MEF2A: variants seen among roughly 807,000 people sequenced by gnomAD.
MEF2A encodes myocyte enhancer factor 2A.
A neutral mutation model predicts 55.8 loss-of-function variants in MEF2A; 28 were observed. That is an observed-to-expected ratio of 0.50 (90% CI 0.37 to 0.69). The LOEUF (loss-of-function observed/expected upper bound fraction) is 0.69. MEF2A is among the 30% of genes least tolerant of loss of function. The pLI, the probability that MEF2A is intolerant of heterozygous loss-of-function variation, is 0.00. For synonymous variants in MEF2A, 239 were observed against 227.1 expected, an observed-to-expected ratio of 1.05 and a Z score of -0.47; for missense variants, 528 against 626.2, an observed-to-expected ratio of 0.84 and a Z score of 1.67.
chr15:99,568,819 A>G (rs1399607445), intron 1 of MEF2A, among the ~76,000 whole-genome samples: 1 of 152,204 alleles, frequency 6.6e-6, no homozygotes, highest in Non-Finnish European at 1.5e-5. Flanking sequence ...TCATCAGACC[A>G]TACCCCGGTT....
At chr15:99,615,675 C>T (rs2040066895) in intron 2 of MEF2A, among the ~76,000 whole-genome samples, 1 of 152,164 alleles carries the variant, frequency 6.6e-6, no homozygotes, top group African/African-American at 2.4e-5. Flanking sequence ...AGACCCTGTC[C>T]TGTTAACCAT....
intron 4 of MEF2A, among the ~76,000 whole-genome samples, chr15:99,670,175 T>C (rs571064877): frequency 6.6e-6 from 1 of 152,312 alleles, no homozygotes; most frequent in South Asian, 2.1e-4. Flanking sequence ...TTTTAATTTA[T>C]CCTTTTAAGT....
intron 1 of MEF2A, among the ~76,000 whole-genome samples, chr15:99,594,931 C>G (rs1052003308): frequency 1.3e-5 from 2 of 152,208 alleles, no homozygotes; most frequent in Non-Finnish European, 2.9e-5. Flanking sequence ...CAACGTATAT[C>G]TGAACCTGCT....
chr15:99,691,854 ATTCC>A (rs2055536451), intron 8 of MEF2A, among the ~76,000 whole-genome samples: 1 of 152,190 alleles, frequency 6.6e-6, no homozygotes, highest in African/African-American at 2.4e-5. Context: ...GGTAGCCTCT[ATTCC>A]ACTCCTTGAT....
chr15:99,647,395 T>G (rs2046136374), intron 4 of MEF2A, among the ~76,000 whole-genome samples: 1 of 151,908 alleles, frequency 6.6e-6, no homozygotes, highest in African/African-American at 2.4e-5. Context: ...CAAATAAGTA[T>G]TCTAGCTAAT....
At chr15:99,622,475 A>C (rs893345473) in intron 2 of MEF2A, among the ~76,000 whole-genome samples, 6 of 152,174 alleles carry the variant, frequency 3.9e-5, no homozygotes, top group Non-Finnish European at 8.8e-5. Context: ...TGAATTAATA[A>C]AATCTGACTC....
At chr15:99,589,623 C>G (rs571345959) in intron 1 of MEF2A, among the ~76,000 whole-genome samples, 128 of 152,146 alleles carry the variant, frequency 8.4e-4, no homozygotes, top group Non-Finnish European at 1.6e-3. Flanking sequence ...CTAAAATACG[C>G]ACTTAAAAGC....
intron 1 of MEF2A, among the ~76,000 whole-genome samples, chr15:99,581,543 C>T (rs1423339382): frequency 6.6e-6 from 1 of 151,888 alleles, no homozygotes; most frequent in African/African-American, 2.4e-5. Flanking sequence ...TTTCTTTCAA[C>T]TGGTGAATAT....
chr15:99,605,670 T>TAA (rs747968570), intron 2 of MEF2A, among the ~76,000 whole-genome samples: 7 of 138,614 alleles, frequency 5.0e-5, no homozygotes, highest in Admixed American at 7.2e-5. Context: ...ATTTTAGATT[T>TAA]AAAAAAAAAA....
intron 1 of MEF2A, among the ~76,000 whole-genome samples, chr15:99,586,915 T>G (rs992628781): frequency 6.6e-6 from 1 of 152,228 alleles, no homozygotes; most frequent in African/African-American, 2.4e-5. Flanking sequence ...TACCTTGACA[T>G]CTTTGTTGAA....
chr15:99,619,090 C>G (rs1283996578), intron 2 of MEF2A, among the ~76,000 whole-genome samples: 2 of 152,158 alleles, frequency 1.3e-5, no homozygotes, highest in Non-Finnish European at 2.9e-5. Flanking sequence ...AGGGAAAGAA[C>G]CAGGCTGTGA....
At chr15:99,574,244 A>G (rs1963525642) in intron 1 of MEF2A, among the ~76,000 whole-genome samples, 1 of 152,206 alleles carries the variant, frequency 6.6e-6, no homozygotes, top group Non-Finnish European at 1.5e-5. Context: ...TTTTATTTAC[A>G]GATTGAAACT....
At chr15:99,633,382 A>T (rs977392763) in intron 3 of MEF2A, among the ~76,000 whole-genome samples, 5 of 152,078 alleles carry the variant, frequency 3.3e-5, no homozygotes, top group Admixed American at 1.3e-4. Context: ...ATGTCACCAA[A>T]AATATAGATA....
At chr15:99,702,001 CAA>C (rs1300916310) in intron 8 of MEF2A, among the ~76,000 whole-genome samples, 4 of 152,186 alleles carry the variant, frequency 2.6e-5, no homozygotes, top group Non-Finnish European at 5.9e-5. Context: ...ATGGAAAACT[CAA>C]AATGTGTCGT....
At chr15:99,687,084 C>CT (rs71149484) in intron 7 of MEF2A, among the ~76,000 whole-genome samples, 25,782 of 67,980 alleles carry the variant, frequency 0.38, 6,175 homozygotes, top group Non-Finnish European at 0.44. Context: ...ATTAATTTTT[C>CT]TTTTTTTTTT....
chr15:99,693,435 A>G (rs756949195), intron 8 of MEF2A, among the ~76,000 whole-genome samples: 1 of 152,008 alleles, frequency 6.6e-6, no homozygotes, highest in African/African-American at 2.4e-5. Context: ...ACACACACAC[A>G]CAGATGTATG....
chr15:99,595,302 G>T (rs1177900794), intron 1 of MEF2A, among the ~76,000 whole-genome samples: 1 of 152,064 alleles, frequency 6.6e-6, no homozygotes, highest in Non-Finnish European at 1.5e-5. Context: ...TATTATGTTA[G>T]GCTTTCCCTG....
At chr15:99,692,909 C>T (rs948814953) in intron 8 of MEF2A, among the ~76,000 whole-genome samples, 10 of 152,208 alleles carry the variant, frequency 6.6e-5, no homozygotes, top group Non-Finnish European at 1.3e-4. Flanking sequence ...GGTGAAGGAA[C>T]AGGAAGACAT....
intron 11 of MEF2A, among the ~76,000 whole-genome samples, chr15:99,711,281 C>G (rs1416968902): frequency 6.6e-6 from 1 of 152,208 alleles, no homozygotes; most frequent in Non-Finnish European, 1.5e-5. Context: ...GGAAGGAAAA[C>G]TGGGGACAGG....
Sources: gnomAD v4.1 joint callset for allele counts (sites outside exome capture counted in the v4.1 genomes callset) on GRCh38, gnomAD v4.1.1 for gene constraint, MANE v1.5 for transcripts, NCBI Gene and HGNC (gene_info 2026-07-23, HGNC 2026-07-21) for gene names.